The following COL4A5 variants were observed in gnomAD, a reference collection of about 807,000 sequenced individuals.
The protein encoded by COL4A5 is collagen alpha-5(IV) chain.
COL4A5 carries 26 observed loss-of-function variants against 130.2 expected under a neutral mutation model. The ratio of observed to expected loss-of-function variants is 0.20; its 90% confidence interval spans 0.15 to 0.28. The LOEUF (loss-of-function observed/expected upper bound fraction) is 0.28, where lower values mean the gene tolerates loss of function less well. Ranked by LOEUF, COL4A5 falls within the 10% of genes least tolerant of loss-of-function variation. The pLI, the probability that COL4A5 is intolerant of heterozygous loss-of-function variation, is 1.00. For synonymous variants in COL4A5, 496 were observed against 439.6 expected (o/e 1.13, Z -1.60); for missense variants, 1,131 against 1,344.3 (o/e 0.84, Z 2.48).
intron 25 of COL4A5, 124 bp downstream of exon 25, chrX:108,598,994 A>G: frequency 1.6e-6 from 1 of 627,083 alleles, no homozygotes; most frequent in South Asian, 2.8e-5. Context: ...TGAACTCTTC[A>G]GAGCATCTTA....
intron 35 of COL4A5, 41 bp from the exon 36 acceptor site, chrX:108,626,169 G>A: frequency 8.5e-7 from 1 of 1,175,026 alleles, no homozygotes; most frequent in Non-Finnish European, 1.2e-6. Context: ...CACAAGTAAA[G>A]CATATTTTGT....
intron 1 of COL4A5, among the ~76,000 whole-genome samples, chrX:108,522,880 CTTT>C (rs746440433): frequency 3.2e-5 from 3 of 95,136 alleles, no homozygotes; most frequent in African/African-American, 7.8e-5. Context: ...AAAAAAATTA[CTTT>C]TTTTTTTTTT....
At chrX:108,680,074 G>A (rs1228959748) in intron 44 of COL4A5, among the ~76,000 whole-genome samples, 1 of 112,077 alleles carries the variant, frequency 8.9e-6, no homozygotes, top group African/African-American at 3.2e-5. Context: ...GTCCATTTAT[G>A]CAAATGAAGG....
At chrX:108,560,747 T>C (rs939753190) in intron 3 of COL4A5, among the ~76,000 whole-genome samples, 2 of 112,170 alleles carry the variant, frequency 1.8e-5, no homozygotes, top group Non-Finnish European at 3.8e-5. Flanking sequence ...CTGATTTTTA[T>C]AAAAGAAATA....
rs1257321990 is a variant in COL4A5, at chrX:108,622,710, T to C, written c.2802T>C (p.Pro934=). The change falls in exon 33 of 53, where the codon CCT becomes CCC. Residue 934 remains proline (P), a synonymous_variant. Transcript: ENST00000328300. ...DDGLQGQPGL[P]GPTGEKGSKG... is the part of the protein sequence containing the mutation. ...GCTTGCAGGGTCAGCCAGGACTTCC[T>C]GGCCCTACAGGAGAAAAAGGTAGTA... is the stretch of plus-strand genomic sequence containing the variant. 2 of 1,210,150 alleles carry C rather than the reference T, an allele frequency of 1.7e-6. No homozygotes were observed. The highest frequency in any genetic ancestry group is 2.2e-6 in the Non-Finnish European group (2 of 895,088).
At chrX:108,527,909 C>T (rs757379361) in intron 1 of COL4A5, among the ~76,000 whole-genome samples, 5 of 111,776 alleles carry the variant, frequency 4.5e-5, no homozygotes, top group African/African-American at 1.6e-4. Flanking sequence ...CTACTATCAA[C>T]GTCAGTGCAC....
chrX:108,646,334 G>A (rs368508229), intron 36 of COL4A5, among the ~76,000 whole-genome samples: 2 of 111,731 alleles, frequency 1.8e-5, no homozygotes, highest in Non-Finnish European at 3.8e-5. Context: ...TGGCCAGTGA[G>A]GATAAGCATT....
chrX:108,592,518 T>C (rs892863834), intron 21 of COL4A5, among the ~76,000 whole-genome samples: 2 of 110,920 alleles, frequency 1.8e-5, no homozygotes, highest in African/African-American at 6.6e-5. Flanking sequence ...TCATTACCTC[T>C]AGATACTCTC....
At chrX:108,611,700 C>T (rs2066838215) in intron 29 of COL4A5, among the ~76,000 whole-genome samples, 1 of 110,849 alleles carries the variant, frequency 9.0e-6, no homozygotes, top group African/African-American at 3.3e-5. Flanking sequence ...CAGATGGCAT[C>T]ACTGGTAAAT....
chrX:108,489,253 G>A (rs968923916), intron 1 of COL4A5, among the ~76,000 whole-genome samples: 2 of 111,423 alleles, frequency 1.8e-5, no homozygotes, highest in South Asian at 3.8e-4. Context: ...AAATGGCCCC[G>A]GACTCTTTTG....
rs764041550 is a variant in COL4A5 at position 108,521,744 on chromosome X, T to C, written c.82-18002T>C. 5.7e-4 allele frequency among the ~76,000 whole-genome samples: 64 copies of C among 112,019 alleles called. 1 individual carries two copies. Among genetic ancestry groups the C allele is most frequent in the Non-Finnish European group, 1.9e-4 (10 of 53,185 alleles). On this transcript the variant is annotated intron_variant, in intron 1 of 52. Transcript: ENST00000328300. ...TCAAGCATAGAAAAGTCTTAGTCCCTTCACGGTTCTTGACAGAATGGTCTT... is the reference window on the plus strand; with the variant it reads ...TCAAGCATAGAAAAGTCTTAGTCCCCTCACGGTTCTTGACAGAATGGTCTT...
chrX:108,616,720 G>C (rs1047710930), intron 30 of COL4A5, among the ~76,000 whole-genome samples: 7 of 111,013 alleles, frequency 6.3e-5, no homozygotes, highest in African/African-American at 2.3e-4. Context: ...ATGTTAACAC[G>C]TGTCACGCTT....
At chrX:108,464,141 C>G (rs1205568835) in intron 1 of COL4A5, among the ~76,000 whole-genome samples, 1 of 111,577 alleles carries the variant, frequency 9.0e-6, no homozygotes, top group Non-Finnish European at 1.9e-5. Context: ...GTGTCCTCTT[C>G]CAATATAATT....
intron 1 of COL4A5, among the ~76,000 whole-genome samples, chrX:108,513,284 CAA>C (rs2065194941): frequency 9.1e-6 from 1 of 109,737 alleles, no homozygotes; most frequent in African/African-American, 3.3e-5. Flanking sequence ...GGCGACAGAG[CAA>C]GACTCTGTCT....
chrX:108,476,519 CTTTTTTTTTTTT>C (rs55972915), intron 1 of COL4A5, among the ~76,000 whole-genome samples: 2 of 55,863 alleles, frequency 3.6e-5, no homozygotes, highest in Non-Finnish European at 6.8e-5. Flanking sequence ...TCTAACTGTT[CTTTTTTTTTTTT>C]TTTTTTTTTT....
chrX:108,531,190 C>A (rs757206822), intron 1 of COL4A5, among the ~76,000 whole-genome samples: 440 of 74,366 alleles, frequency 5.9e-3, no homozygotes, highest in Middle Eastern at 9.3e-3. Flanking sequence ...AGGGGAACAT[C>A]ACACTCTGGG....
At chrX:108,631,052 C>T (rs749307150) in intron 36 of COL4A5, among the ~76,000 whole-genome samples, 20 of 111,984 alleles carry the variant, frequency 1.8e-4, no homozygotes, top group African/African-American at 5.8e-4. Flanking sequence ...GTTTTGGTTA[C>T]TGTAGCCTTG....
intron 1 of COL4A5, among the ~76,000 whole-genome samples, chrX:108,473,961 A>G (rs928257818): frequency 9.0e-6 from 1 of 110,661 alleles, no homozygotes; most frequent in Non-Finnish European, 1.9e-5. Context: ...GCTGTACAAT[A>G]TATCTGTGTT....
chrX:108,468,972 C>G (rs1000089031), intron 1 of COL4A5, among the ~76,000 whole-genome samples: 1 of 110,785 alleles, frequency 9.0e-6, no homozygotes, highest in Non-Finnish European at 1.9e-5. Context: ...GTGAAGCTAT[C>G]TAGCTATGGA....
Sources: gnomAD v4.1 joint callset for allele counts (sites outside exome capture counted in the v4.1 genomes callset) on GRCh38, gnomAD v4.1.1 for gene constraint, MANE v1.5 for transcripts, NCBI Gene and HGNC (gene_info 2026-07-23, HGNC 2026-07-21) for gene names.